Variants in LRRC4C observed in about 807,000 individuals in gnomAD.
LRRC4C encodes leucine rich repeat containing 4C.
In LRRC4C, 5 loss-of-function variants were observed where a neutral mutation model predicts 33.6. The observed-to-expected ratio is 0.15, with a 90% CI of 0.08 to 0.31. The LOEUF is 0.31. Ranked by LOEUF, LRRC4C falls within the 10% of genes least tolerant of loss-of-function variation. The pLI is 1.00. For missense variants in LRRC4C, 560 were observed against 796.7 expected, an observed-to-expected ratio of 0.70 and a Z score of 3.58; for synonymous variants, 329 against 302.0, an observed-to-expected ratio of 1.09 and a Z score of -0.93.
chr11:40,132,999 G>T (rs1856747965), intron 6 of LRRC4C, among the ~76,000 whole-genome samples: 1 of 152,110 alleles, frequency 6.6e-6, no homozygotes, highest in Admixed American at 6.5e-5. Context: ...CTAAAGAAGT[G>T]CTTTTGAAAA....
chr11:41,127,409 T>C (rs1942796865), intron 1 of LRRC4C, among the ~76,000 whole-genome samples: 1 of 152,080 alleles, frequency 6.6e-6, no homozygotes, highest in African/African-American at 2.4e-5. Flanking sequence ...AACGAAAGAA[T>C]ATGGAAGTAT....
intron 3 of LRRC4C, among the ~76,000 whole-genome samples, chr11:40,534,625 T>C (rs1956399824): frequency 6.6e-6 from 1 of 152,208 alleles, no homozygotes; most frequent in Non-Finnish European, 1.5e-5. Flanking sequence ...TTAGCAACTC[T>C]TGACATTCCT....
At chr11:41,035,619 G>A (rs1276299262) in intron 1 of LRRC4C, among the ~76,000 whole-genome samples, 6 of 152,084 alleles carry the variant, frequency 3.9e-5, no homozygotes, top group African/African-American at 1.4e-4. Flanking sequence ...CGTAACTGAG[G>A]TGAAGCAGGA....
chr11:41,325,763 A>C (rs1408858209), intron 1 of LRRC4C, among the ~76,000 whole-genome samples: 4 of 152,018 alleles, frequency 2.6e-5, no homozygotes, highest in South Asian at 2.1e-4. Context: ...CAGATACAAA[A>C]CGCAACTGTA....
At chr11:40,993,372 A>G (rs1853724880) in intron 1 of LRRC4C, among the ~76,000 whole-genome samples, 1 of 152,218 alleles carries the variant, frequency 6.6e-6, no homozygotes, top group African/African-American at 2.4e-5. Context: ...ACTGGCCCAC[A>G]CATAATATAG....
chr11:41,061,594 G>A (rs1004092788), intron 1 of LRRC4C, among the ~76,000 whole-genome samples: 2 of 152,162 alleles, frequency 1.3e-5, no homozygotes, highest in African/African-American at 2.4e-5. Context: ...TTTAAATCAA[G>A]TTTCTTAAAT....
intron 3 of LRRC4C, among the ~76,000 whole-genome samples, chr11:40,644,142 T>C (rs915708565): frequency 6.6e-6 from 1 of 152,130 alleles, no homozygotes; most frequent in African/African-American, 2.4e-5. Context: ...TAAATAAAAC[T>C]ATAAAACTTT....
At chr11:40,540,933 G>T (rs1449897989) in intron 3 of LRRC4C, among the ~76,000 whole-genome samples, 1 of 151,996 alleles carries the variant, frequency 6.6e-6, no homozygotes, top group Non-Finnish European at 1.5e-5. Flanking sequence ...ATTTTAATCT[G>T]CCCAGGAGGG....
At chr11:40,471,572 A>T (rs1279614157) in intron 3 of LRRC4C, among the ~76,000 whole-genome samples, 3 of 151,910 alleles carry the variant, frequency 2.0e-5, no homozygotes, top group Non-Finnish European at 4.4e-5. Context: ...AAATACCCCA[A>T]TTAAAAGATC....
chr11:41,372,862 C>G (rs1253327454), intron 1 of LRRC4C, among the ~76,000 whole-genome samples: 1 of 151,600 alleles, frequency 6.6e-6, no homozygotes, highest in Non-Finnish European at 1.5e-5. Flanking sequence ...CATAAATCTC[C>G]CTAATTTTTT....
At chr11:41,247,893 C>T (rs1948505063) in intron 1 of LRRC4C, among the ~76,000 whole-genome samples, 1 of 152,104 alleles carries the variant, frequency 6.6e-6, no homozygotes, top group Non-Finnish European at 1.5e-5. Flanking sequence ...CGTTGCATTA[C>T]AATGCATGAG....
chr11:40,264,289 C>T (rs1942084234), intron 4 of LRRC4C, among the ~76,000 whole-genome samples: 1 of 152,154 alleles, frequency 6.6e-6, no homozygotes, highest in South Asian at 2.1e-4. Context: ...GCTAGAAGCA[C>T]TTTGGTTGCC....
At chr11:40,210,589 C>A (rs1863521679) in intron 5 of LRRC4C, among the ~76,000 whole-genome samples, 2 of 152,056 alleles carry the variant, frequency 1.3e-5, no homozygotes, top group Admixed American at 1.3e-4. Flanking sequence ...TGGCTCTGAT[C>A]CCTGCATCTA....
intron 1 of LRRC4C, among the ~76,000 whole-genome samples, chr11:41,029,620 G>A (rs1176929571): frequency 2.6e-5 from 4 of 151,738 alleles, no homozygotes; most frequent in Admixed American, 1.3e-4. Flanking sequence ...AAGACTGCTC[G>A]GCAGCTTCTA....
At chr11:40,577,839 T>TC (rs1443265764) in intron 3 of LRRC4C, among the ~76,000 whole-genome samples, 1 of 141,640 alleles carries the variant, frequency 7.1e-6, no homozygotes, top group Non-Finnish European at 1.5e-5. Flanking sequence ...TTTCTTTTTT[T>TC]TTTTTTTTTT....
chr11:40,454,245 A>C (rs1322143751), intron 3 of LRRC4C, among the ~76,000 whole-genome samples: 1 of 151,906 alleles, frequency 6.6e-6, no homozygotes, highest in Non-Finnish European at 1.5e-5. Context: ...GCTGATGTGC[A>C]ACTTACCATA....
chr11:40,746,281 TG>T (rs1190016395), intron 2 of LRRC4C, among the ~76,000 whole-genome samples: 2 of 152,250 alleles, frequency 1.3e-5, no homozygotes, highest in African/African-American at 4.8e-5. Context: ...GAGCTCACCC[TG>T]GTTCCTACAC....
intron 2 of LRRC4C, among the ~76,000 whole-genome samples, chr11:40,797,488 A>C (rs529214834): frequency 6.6e-6 from 1 of 152,318 alleles, no homozygotes; most frequent in Admixed American, 6.5e-5. Context: ...CGAGAGTCTT[A>C]AAGACTATCT....
chr11:40,811,498 G>A (rs1270106875), intron 2 of LRRC4C, among the ~76,000 whole-genome samples: 1 of 151,988 alleles, frequency 6.6e-6, no homozygotes, highest in East Asian at 1.9e-4. Flanking sequence ...TATATAAATG[G>A]CATCTACTCT....
Sources: gnomAD v4.1 joint callset for allele counts (sites outside exome capture counted in the v4.1 genomes callset) on GRCh38, gnomAD v4.1.1 for gene constraint, MANE v1.5 for transcripts, NCBI Gene and HGNC (gene_info 2026-07-23, HGNC 2026-07-21) for gene names.